The following CCDC178 variants were observed in gnomAD, a reference collection of about 807,000 sequenced individuals.
CCDC178 encodes coiled-coil domain containing 178.
In CCDC178, 126 loss-of-function variants were observed where a neutral mutation model predicts 117.4. The ratio of observed to expected loss-of-function variants is 1.07; its 90% CI spans 0.93 to 1.24. The LOEUF (loss-of-function observed/expected upper bound fraction) is 1.24, where lower values mean the gene tolerates loss of function less well. CCDC178 is among the 50% of genes most tolerant of loss of function. CCDC178 has a pLI of 0.00. For missense variants in CCDC178, 1,030 were observed against 986.9 expected, an observed-to-expected ratio of 1.04 and a Z score of -0.59; for synonymous variants, 283 against 313.4, an observed-to-expected ratio of 0.90 and a Z score of 1.02.
At chr18:33,010,188 T>A (rs1360640494) in intron 21 of CCDC178, among the ~76,000 whole-genome samples, 1 of 152,282 alleles carries the variant, frequency 6.6e-6, no homozygotes, top group Admixed American at 6.5e-5. Context: ...ATATGTTTGA[T>A]TTTTAGGTAT....
chr18:33,429,747 T>C (rs962283670), intron 2 of CCDC178, among the ~76,000 whole-genome samples: 2 of 152,196 alleles, frequency 1.3e-5, no homozygotes, highest in Admixed American at 1.3e-4. Flanking sequence ...ATAACCATGT[T>C]GTAAATCACT....
At chr18:33,148,690 A>AG (rs1317376363) in intron 20 of CCDC178, among the ~76,000 whole-genome samples, 1 of 152,096 alleles carries the variant, frequency 6.6e-6, no homozygotes, top group African/African-American at 2.4e-5. Flanking sequence ...GCGACTGAGG[A>AG]TATGCAGATA....
At chr18:33,332,388 AT>A (rs1185196935) in intron 10 of CCDC178, among the ~76,000 whole-genome samples, 1 of 152,168 alleles carries the variant, frequency 6.6e-6, no homozygotes, top group Non-Finnish European at 1.5e-5. Context: ...TTTTGTGACA[AT>A]TATCAATAAA....
intron 11 of CCDC178, among the ~76,000 whole-genome samples, chr18:33,318,795 TA>T (rs2062458221): frequency 6.6e-6 from 1 of 151,802 alleles, no homozygotes; most frequent in African/African-American, 2.4e-5. Context: ...AAGGAAAAAA[TA>T]TATAGATTAG....
At chr18:33,271,195 GAC>G (rs2059885195) in intron 12 of CCDC178, among the ~76,000 whole-genome samples, 1 of 151,240 alleles carries the variant, frequency 6.6e-6, no homozygotes, top group Admixed American at 6.6e-5. Flanking sequence ...AAAGACATAA[GAC>G]ACAGAGAAAA....
At chr18:33,179,289 A>G (rs1418120565) in intron 20 of CCDC178, among the ~76,000 whole-genome samples, 1 of 150,808 alleles carries the variant, frequency 6.6e-6, no homozygotes, top group Non-Finnish European at 1.5e-5. Context: ...AGAGAAAAAG[A>G]GCATAAAAAT....
chr18:33,000,513 C>G (rs1270890045), intron 21 of CCDC178, among the ~76,000 whole-genome samples: 1 of 151,988 alleles, frequency 6.6e-6, no homozygotes, highest in African/African-American at 2.4e-5. Flanking sequence ...ACAGATTTAA[C>G]CCAAATAAGA....
At chr18:33,119,633 C>T (rs976761800) in intron 20 of CCDC178, among the ~76,000 whole-genome samples, 3 of 152,162 alleles carry the variant, frequency 2.0e-5, no homozygotes, top group African/African-American at 7.2e-5. Flanking sequence ...GTGGCGATTC[C>T]TCAAGCATCT....
At chr18:32,988,413 G>T (rs1011528989) in intron 21 of CCDC178, among the ~76,000 whole-genome samples, 1 of 152,068 alleles carries the variant, frequency 6.6e-6, no homozygotes, top group African/African-American at 2.4e-5. Context: ...GCCAGCCTGG[G>T]CTACGGAGTA....
chr18:33,235,747 T>C (rs2059418840), intron 15 of CCDC178, among the ~76,000 whole-genome samples: 1 of 152,164 alleles, frequency 6.6e-6, no homozygotes, highest in Non-Finnish European at 1.5e-5. Flanking sequence ...ACTTAACAAC[T>C]GGTGAAAGCT....
chr18:33,363,231 TG>T (rs754245599), intron 6 of CCDC178, among the ~76,000 whole-genome samples: 20 of 151,988 alleles, frequency 1.3e-4, no homozygotes, highest in Non-Finnish European at 2.6e-4. Flanking sequence ...TTTTGGGGCA[TG>T]GAAGTAAACC....
At chr18:33,187,968 G>C (rs1323857580) in intron 20 of CCDC178, among the ~76,000 whole-genome samples, 1 of 152,038 alleles carries the variant, frequency 6.6e-6, no homozygotes, top group East Asian at 1.9e-4. Flanking sequence ...CTTCACCAAG[G>C]CTTTGCAAAA....
chr18:33,306,042 T>C (rs1435987309), intron 11 of CCDC178, among the ~76,000 whole-genome samples: 1 of 152,204 alleles, frequency 6.6e-6, no homozygotes, highest in African/African-American at 2.4e-5. Flanking sequence ...CAGAATTAAC[T>C]AGAGTCTTCT....
intron 22 of CCDC178, among the ~76,000 whole-genome samples, chr18:32,948,630 A>T (rs2054408504): frequency 6.6e-6 from 1 of 152,128 alleles, no homozygotes; most frequent in East Asian, 1.9e-4. Context: ...AATGCAAGTG[A>T]TATTATATCA....
At chr18:33,408,981 C>T (rs556993108) in intron 3 of CCDC178, among the ~76,000 whole-genome samples, 2 of 152,268 alleles carry the variant, frequency 1.3e-5, no homozygotes, top group South Asian at 4.1e-4. Flanking sequence ...TATTGGTCAG[C>T]TTGTTTAAGA....
At chr18:33,012,458 A>C (rs1196562943) in intron 21 of CCDC178, among the ~76,000 whole-genome samples, 1 of 152,188 alleles carries the variant, frequency 6.6e-6, no homozygotes, top group East Asian at 1.9e-4. Context: ...GATTTTTGCC[A>C]GCTATTAAAA....
At chr18:33,372,620 A>G (rs1451444172) in intron 5 of CCDC178, among the ~76,000 whole-genome samples, 3 of 152,098 alleles carry the variant, frequency 2.0e-5, no homozygotes, top group African/African-American at 4.8e-5. Flanking sequence ...GCCCAGAATT[A>G]ATGCATAAAA....
chr18:33,432,716 A>G (rs2064237703), intron 2 of CCDC178, among the ~76,000 whole-genome samples: 1 of 152,182 alleles, frequency 6.6e-6, no homozygotes. Flanking sequence ...TGGATTATTT[A>G]TGATGCTCTG....
At chr18:33,086,432 A>T (rs1166102455) in intron 21 of CCDC178, among the ~76,000 whole-genome samples, 1 of 150,726 alleles carries the variant, frequency 6.6e-6, no homozygotes, top group Non-Finnish European at 1.5e-5. Context: ...ATATACACAC[A>T]CACACACACA....
Sources: allele counts gnomAD v4.1 joint callset (sites outside exome capture counted in the v4.1 genomes callset), GRCh38; gene constraint gnomAD v4.1.1; transcripts MANE v1.5; gene names NCBI Gene and HGNC (gene_info 2026-07-23, HGNC 2026-07-21).